STIM2: variants seen among roughly 807,000 people sequenced by gnomAD.
STIM2 encodes stromal interaction molecule 2.
In STIM2, 31 loss-of-function variants were observed where a neutral mutation model predicts 85.8. That is an observed-to-expected ratio of 0.36 (90% CI 0.27 to 0.49). STIM2 has a LOEUF of 0.49. Among genes scored for constraint, STIM2 ranks in the 20% least tolerant of loss-of-function variants. The pLI, the probability that STIM2 is intolerant of heterozygous loss-of-function variation, is 0.98. For missense variants in STIM2, 841 were observed against 927.6 expected, an observed-to-expected ratio of 0.91 and a Z score of 1.21; for synonymous variants, 356 against 331.1, an observed-to-expected ratio of 1.08 and a Z score of -0.82.
In STIM2 at chr4:26,943,981, C is replaced by T. The variant is rs897639639; in HGVS notation, c.283-13631C>T. On this transcript the variant is annotated intron_variant, in intron 2 of 11. Coordinates refer to ENST00000467087, the MANE Select transcript of STIM2 (RefSeq NM_020860.4). ...CTTTTTTTTGTTTATAGACATATCC[C>T]TCTAGGCAAATATGATTAAAATCAG... 9.2e-5 allele frequency among the ~76,000 whole-genome samples: 14 copies of T among 152,190 alleles called. No homozygotes were observed. In the East Asian group the frequency reaches 2.5e-3, roughly 27 times the overall value.
Position 26,869,846 on chromosome 4 carries a change from T to C in STIM2, c.151+8477T>C, listed in dbSNP as rs181483663. Among the ~76,000 whole-genome samples, 109 of 151,432 alleles carry C rather than the reference T, an allele frequency of 7.2e-4. 1 individual carries two copies. The highest frequency in any genetic ancestry group is 6.6e-5 in the Admixed American group (1 of 15,146). On this transcript the variant is annotated intron_variant, in intron 1 of 11. Coordinates refer to ENST00000467087, the MANE Select transcript of STIM2 (RefSeq NM_020860.4). ...TTACTGAAAATATATGTTAGAGATA[T>C]CTGCACTGCTATGTTCTTTTCAGCA...
At chr4:26,874,292 G>T in intron 1 of STIM2, 1 of 390,046 alleles carries the variant, frequency 2.6e-6, no homozygotes, top group Non-Finnish European at 5.1e-6. Flanking sequence ...AGCTGCTCCT[G>T]GTACTGGAGA....
intron 2 of STIM2, among the ~76,000 whole-genome samples, chr4:26,938,794 C>T (rs1317153881): frequency 6.6e-6 from 1 of 152,078 alleles, no homozygotes; most frequent in East Asian, 1.9e-4. Flanking sequence ...GAGACAGAGG[C>T]TTAAGAGAGA....
At chr4:27,002,125 TTTG>T in intron 5 of STIM2, 89 bp from the exon 6 acceptor site, 1 of 1,301,544 alleles carries the variant, frequency 7.7e-7, no homozygotes, top group East Asian at 2.5e-5. Context: ...AATTTTTGGT[TTTG>T]TTTTAGATAC....
intron 1 of STIM2, among the ~76,000 whole-genome samples, chr4:26,883,817 G>A (rs1723110937): frequency 6.6e-6 from 1 of 152,208 alleles, no homozygotes; most frequent in Non-Finnish European, 1.5e-5. Context: ...GTTAGAGTGT[G>A]TAGCTGTGCT....
intron 2 of STIM2, among the ~76,000 whole-genome samples, chr4:26,943,820 T>C (rs1452905504): frequency 1.3e-5 from 2 of 152,174 alleles, no homozygotes; most frequent in East Asian, 3.8e-4. Flanking sequence ...ACTTTATTGG[T>C]CTTACCCCTG....
chr4:26,930,501 T>C (rs1270320610), intron 2 of STIM2, among the ~76,000 whole-genome samples: 1 of 152,094 alleles, frequency 6.6e-6, no homozygotes, highest in Non-Finnish European at 1.5e-5. Flanking sequence ...TTGTTTGATA[T>C]ACATATATAA....
chr4:27,007,631 A>C lies in STIM2; in HGVS notation c.1080A>C (p.Glu360Asp). 6.2e-7 allele frequency: 1 copy of C among 1,608,448 alleles called. No homozygotes were observed. The highest frequency in any genetic ancestry group is 8.5e-7 in the Non-Finnish European group (1 of 1,178,120). ...AGAAATGGCTTCAGTTAACACATGA[A>C]GTAGAAGTGCAATACTACAATATTA... Residue 360 changes from glutamate (E) to aspartate (D), a missense_variant, in exon 8 of 12, where the codon GAA becomes GAC. Transcript: ENST00000467087.
rs191564726 is a variant in STIM2, at chr4:26,929,539, T to C, written c.282+9905T>C. On this transcript the variant is annotated intron_variant, in intron 2 of 11. Coordinates refer to ENST00000467087, the MANE Select transcript of STIM2 (RefSeq NM_020860.4). ...AGCCCAAATTTTAAAGTACTTAATT[T>C]CTTGTGATTTTTGTTTTGTTTTGAA... Among the ~76,000 whole-genome samples, 566 of 152,264 alleles carry C rather than the reference T, an allele frequency of 3.7e-3. 3 individuals carry two copies. The highest frequency in any genetic ancestry group is 0.013 in the African/African-American group (546 of 41,558).
intron 1 of STIM2, among the ~76,000 whole-genome samples, chr4:26,918,809 G>A (rs1724689140): frequency 1.3e-5 from 2 of 152,128 alleles, no homozygotes; most frequent in Admixed American, 1.3e-4. Context: ...TGAATGTGAG[G>A]ATTCACATAT....
At chr4:26,949,774 CTCTTA>C (rs1326994662) in intron 2 of STIM2, among the ~76,000 whole-genome samples, 2 of 152,110 alleles carry the variant, frequency 1.3e-5, no homozygotes, top group Non-Finnish European at 2.9e-5. Context: ...TTGGCTCCTC[CTCTTA>C]TCTTCCTGAT....
intron 1 of STIM2, among the ~76,000 whole-genome samples, chr4:26,875,733 G>A (rs962853584): frequency 1.3e-5 from 2 of 152,084 alleles, no homozygotes; most frequent in Non-Finnish European, 2.9e-5. Flanking sequence ...ATTATTATGG[G>A]GATGTTCTTG....
intron 3 of STIM2, among the ~76,000 whole-genome samples, chr4:26,969,158 C>G (rs984478698): frequency 6.6e-6 from 1 of 152,202 alleles, no homozygotes; most frequent in Non-Finnish European, 1.5e-5. Context: ...GGCAGTGACT[C>G]ACAGGCATAT....
chr4:27,008,950 A>C lies in STIM2; in HGVS notation c.1437A>C (p.Gly479=). 6.2e-7 allele frequency: 1 copy of C among 1,614,110 alleles called. No individual in the cohort carries two copies. The highest frequency in any genetic ancestry group is 1.1e-5 in the South Asian group (1 of 91,084). The change falls in exon 10 of 12, where the codon GGA becomes GGC. Residue 479 remains glycine (G), a synonymous_variant. Coordinates refer to ENST00000467087, the MANE Select transcript of STIM2 (RefSeq NM_020860.4). The stretch of plus-strand genomic sequence containing the variant: ...CCATTCCACCCTATCCAATTGCTGG[A>C]GGAGTTGATGACTTAGATGAAGACA...
At chr4:26,950,933 A>G in intron 2 of STIM2, among the ~76,000 whole-genome samples, 1 of 152,100 alleles carries the variant, frequency 6.6e-6, no homozygotes, top group East Asian at 1.9e-4. Flanking sequence ...AATGTATCAG[A>G]TCAGCCATCA....
At chr4:26,996,661 C>A (rs1370439671) in intron 4 of STIM2, among the ~76,000 whole-genome samples, 2 of 151,906 alleles carry the variant, frequency 1.3e-5, no homozygotes, top group African/African-American at 4.8e-5. Context: ...CTTTTATGTT[C>A]ATGGTACAAC....
chr4:26,976,183 C>T (rs1727184079), intron 3 of STIM2, among the ~76,000 whole-genome samples: 2 of 151,990 alleles, frequency 1.3e-5, no homozygotes, highest in African/African-American at 4.8e-5. Context: ...AAGGGAAATC[C>T]CCCGACCCCT....
chr4:27,017,994 G>A lies in STIM2; in HGVS notation c.1763+10G>A, dbSNP rs1165557677. The A allele has an allele frequency of 1.2e-6, 2 of 1,613,840 alleles. No homozygotes were observed. Among genetic ancestry groups the A allele is most frequent in the Non-Finnish European group, 1.7e-6 (2 of 1,179,790 alleles). On this transcript the variant is annotated intron_variant, in intron 11 of 11. Transcript: ENST00000467087. ...CTGCTGAAAAGCAATGGTATTGGCAGTGAATAATCTACAGGGCATGTTGGG... is the reference window on the plus strand; with the variant it reads ...CTGCTGAAAAGCAATGGTATTGGCAATGAATAATCTACAGGGCATGTTGGG...
chr4:26,981,311 A>G (rs973619019), intron 3 of STIM2, among the ~76,000 whole-genome samples: 6 of 152,350 alleles, frequency 3.9e-5, no homozygotes, highest in South Asian at 2.1e-4. Context: ...GATAGCTAAT[A>G]AAGCCTAATG....
Sources: allele counts gnomAD v4.1 joint callset (sites outside exome capture counted in the v4.1 genomes callset), GRCh38; gene constraint gnomAD v4.1.1; transcripts MANE v1.5; gene names NCBI Gene and HGNC (gene_info 2026-07-23, HGNC 2026-07-21).